The following LRCH1 variants were observed in gnomAD, a reference collection of about 807,000 sequenced individuals.
LRCH1 encodes the protein leucine-rich repeat and calponin homology domain-containing protein 1.
Under a neutral mutation model 94.9 loss-of-function variants are expected in LRCH1, and 23 were observed. The observed-to-expected ratio is 0.24, with a 90% CI of 0.17 to 0.34. LRCH1 has a LOEUF of 0.34. Ranked by LOEUF, LRCH1 falls within the 10% of genes least tolerant of loss-of-function variation. The pLI is 1.00. For synonymous variants in LRCH1, 364 were observed against 354.9 expected (o/e 1.03, Z -0.29); for missense variants, 790 against 945.9 (o/e 0.84, Z 2.16).
At chr13:46,736,546 G>A (rs1873395422) in intron 19 of LRCH1, among the ~76,000 whole-genome samples, 1 of 152,130 alleles carries the variant, frequency 6.6e-6, no homozygotes, top group South Asian at 2.1e-4. Flanking sequence ...TATATCACAA[G>A]ACTTCTTGCA....
chr13:46,653,337 A>C (rs1024385651), intron 2 of LRCH1, among the ~76,000 whole-genome samples: 1 of 152,058 alleles, frequency 6.6e-6, no homozygotes, highest in African/African-American at 2.4e-5. Flanking sequence ...CCCATACTGA[A>C]TCATGTGCTC....
chr13:46,675,846 G>A (rs182067911), intron 3 of LRCH1, among the ~76,000 whole-genome samples: 1 of 152,312 alleles, frequency 6.6e-6, no homozygotes, highest in African/African-American at 2.4e-5. Context: ...GGGGTAGGCC[G>A]TGTGTTTGTA....
At chr13:46,736,142 G>GTGTGTGTGTGT in intron 19 of LRCH1, among the ~76,000 whole-genome samples, 1 of 151,804 alleles carries the variant, frequency 6.6e-6, no homozygotes, top group African/African-American at 2.4e-5. Flanking sequence ...GTGTGTGTGT[G>GTGTGTGTGTGT]TGTGTGTGTG....
At position 46,741,802 on chromosome 13, in the gene LRCH1, T is replaced by C. The variant is rs1204392745; in HGVS notation, c.2246T>C (p.Ile749Thr). 5 of 1,614,220 alleles carry C rather than the reference T, an allele frequency of 3.1e-6. No individual in the cohort carries two copies. The Admixed American group carries it at 5.0e-5, about 16-fold the overall frequency. ...IGFCLVHILF[I>T]VLVYITYHWN... ...TTCTGTCTTGTCCATATTCTCTTTA[T>C]AGTGCTGGTCTATATCACTTACCAC... The change falls in exon 20 of 20, where the codon ATA (isoleucine) becomes ACA (threonine). Residue 749 changes from isoleucine to threonine, a missense_variant. Around this residue, in one of 3 missense-constraint regions of LRCH1, gnomAD observed 460 missense variants for 508.9 expected, o/e 0.90. Coordinates refer to ENST00000389797, the MANE Select transcript of LRCH1 (RefSeq NM_001164211.2).
intron 1 of LRCH1, among the ~76,000 whole-genome samples, chr13:46,621,436 A>T (rs898056297): frequency 1.3e-4 from 20 of 152,172 alleles, no homozygotes; most frequent in African/African-American, 4.6e-4. Context: ...TCAAGTTGAG[A>T]TCTTAGTCTG....
rs530423653 is a variant in LRCH1, at chr13:46,607,664, A to G, written c.308-42537A>G. On this transcript the variant is annotated intron_variant, in intron 1 of 19. Transcript: ENST00000389797. The stretch of plus-strand genomic sequence containing the variant: ...TTCTTCTTCTTTTTTTTTTTTTAAT[A>G]TGAGACACAGTCTCGCTCTGTTAAA... Among the ~76,000 whole-genome samples the G allele has an allele frequency of 3.6e-4, 52 of 143,672 alleles. 1 individual carries two copies. The Middle Eastern group carries it at 0.011, about 30-fold the overall frequency. 94.3% of individuals were successfully genotyped at this position (143,672 alleles called of 152,430 possible). A position where few individuals can be genotyped will look rare whatever the true frequency, so the allele number is the denominator to read the frequency against.
In LRCH1 at chr13:46,742,280, C is replaced by T; in HGVS notation, c.*432C>T. ...ACTAGAATTCTAATTCGGGACTGGG[C>T]AATTGAGCTGTATAGGGGCCACCTT... On this transcript the variant is annotated 3_prime_UTR_variant, in exon 20 of 20. Coordinates refer to ENST00000389797, the MANE Select transcript of LRCH1 (RefSeq NM_001164211.2). 1 of 1,047,688 alleles carries T rather than the reference C, an allele frequency of 9.5e-7. No homozygotes were observed. Among genetic ancestry groups the T allele is most frequent in the Non-Finnish European group, 1.2e-6 (1 of 868,044 alleles). 64.9% of individuals were successfully genotyped at this position (1,047,688 alleles called of 1,614,324 possible).
chr13:46,635,015 GTTA>G (rs1172458737), intron 1 of LRCH1, among the ~76,000 whole-genome samples: 2 of 152,178 alleles, frequency 1.3e-5, no homozygotes. Context: ...GTTTTGAAAA[GTTA>G]TTATTATCTC....
At chr13:46,747,382 C>T (rs1459517226), downstream of LRCH1, among the ~76,000 whole-genome samples, 6 of 152,220 alleles carry the variant, frequency 3.9e-5, no homozygotes, top group Non-Finnish European at 7.3e-5. Flanking sequence ...GCATGCCCTT[C>T]AGCTTAGAAC....
At chr13:46,673,317 C>G (rs2051625919) in intron 3 of LRCH1, among the ~76,000 whole-genome samples, 1 of 152,072 alleles carries the variant, frequency 6.6e-6, no homozygotes, top group Non-Finnish European at 1.5e-5. Context: ...AAAGCATTTA[C>G]TTATGAAGTT....
chr13:46,600,962 T>C (rs2050621597), intron 1 of LRCH1, among the ~76,000 whole-genome samples: 2 of 152,348 alleles, frequency 1.3e-5, no homozygotes, highest in African/African-American at 4.8e-5. Flanking sequence ...AGTTTCACCT[T>C]TACAGGCAGC....
intron 1 of LRCH1, among the ~76,000 whole-genome samples, chr13:46,562,449 C>T (rs1015455078): frequency 1.2e-4 from 18 of 152,160 alleles, no homozygotes; most frequent in African/African-American, 4.3e-4. Context: ...TTTTTATACA[C>T]AAATCCTTGT....
At chr13:46,639,437 C>CA (rs1167558002) in intron 1 of LRCH1, among the ~76,000 whole-genome samples, 3 of 152,168 alleles carry the variant, frequency 2.0e-5, no homozygotes, top group South Asian at 2.1e-4. Flanking sequence ...ATTATGGTAT[C>CA]ACATAGACTG....
At chr13:46,560,111 C>T (rs28498613) in intron 1 of LRCH1, among the ~76,000 whole-genome samples, 67,250 of 143,938 alleles carry the variant, frequency 0.47, 17,729 homozygotes, top group Middle Eastern at 0.58. Context: ...AAGCTATTTT[C>T]CTCTTTTGTG....
At chr13:46,654,960 TTC>T (rs1017250157) in intron 2 of LRCH1, among the ~76,000 whole-genome samples, 2 of 152,252 alleles carry the variant, frequency 1.3e-5, no homozygotes, top group African/African-American at 4.8e-5. Context: ...GATTTTTTTC[TTC>T]TCTCAATAAA....
intron 1 of LRCH1, among the ~76,000 whole-genome samples, chr13:46,576,259 A>G (rs2050303240): frequency 6.6e-6 from 1 of 152,260 alleles, no homozygotes; most frequent in Non-Finnish European, 1.5e-5. Flanking sequence ...GCATGGCAGC[A>G]TATTTTAATA....
chr13:46,560,133 G>C (rs2050113638), intron 1 of LRCH1, among the ~76,000 whole-genome samples: 1 of 59,356 alleles, frequency 1.7e-5, no homozygotes, highest in African/African-American at 3.5e-5. Context: ...ATACATTTCT[G>C]TTCCCCCATA....
At chr13:46,700,169 T>C (rs1440001842) in intron 10 of LRCH1, among the ~76,000 whole-genome samples, 1 of 152,194 alleles carries the variant, frequency 6.6e-6, no homozygotes, top group Non-Finnish European at 1.5e-5. Flanking sequence ...ACATAGAGTA[T>C]AGTTTTTGTT....
intron 2 of LRCH1, among the ~76,000 whole-genome samples, chr13:46,667,961 G>A (rs1330017880): frequency 6.6e-6 from 1 of 152,194 alleles, no homozygotes; most frequent in Non-Finnish European, 1.5e-5. Flanking sequence ...ACTCACACAG[G>A]AACACAGCTT....
Sources: gnomAD v4.1 joint callset for allele counts (sites outside exome capture counted in the v4.1 genomes callset) on GRCh38, gnomAD v4.1.1 for gene constraint, gnomAD v4.1.1 regional missense constraint, MANE v1.5 for transcripts, NCBI Gene and HGNC (gene_info 2026-07-23, HGNC 2026-07-21) for gene names.